Variants in KLHL5 observed in about 807,000 individuals in gnomAD.
The protein encoded by KLHL5 is kelch like family member 5, also known as kelch-like protein 5.
Under a neutral mutation model 77.7 loss-of-function variants are expected in KLHL5, and 48 were observed. The observed-to-expected ratio is 0.62, with a 90% CI of 0.49 to 0.79. The LOEUF is 0.79. Ranked by LOEUF, KLHL5 falls within the 30% of genes least tolerant of loss-of-function variation. The probability of loss-of-function intolerance (pLI) is 0.00; values close to 1 mark genes in which losing one functional copy is unlikely to be tolerated. For synonymous variants in KLHL5, 260 were observed against 297.0 expected, an observed-to-expected ratio of 0.88 and a Z score of 1.28; for missense variants, 723 against 859.7, an observed-to-expected ratio of 0.84 and a Z score of 1.99.
intron 6 of KLHL5, among the ~76,000 whole-genome samples, chr4:39,097,318 C>T (rs924833982): frequency 6.6e-6 from 1 of 152,156 alleles, no homozygotes; most frequent in Non-Finnish European, 1.5e-5. Context: ...CCAATTCAGT[C>T]AAGAATTATC....
intron 6 of KLHL5, among the ~76,000 whole-genome samples, chr4:39,102,909 G>A (rs550217798): frequency 6.6e-6 from 1 of 152,256 alleles, no homozygotes; most frequent in Admixed American, 6.5e-5. Context: ...ATACTTCTGA[G>A]TCTTCATCTT....
intron 10 of KLHL5, among the ~76,000 whole-genome samples, chr4:39,117,055 T>G (rs1722892990): frequency 6.6e-6 from 1 of 152,276 alleles, no homozygotes; most frequent in South Asian, 2.1e-4. Flanking sequence ...CAGGCTGGTC[T>G]CAAACTCCTG....
At chr4:39,078,433 A>T (rs562545379) in intron 2 of KLHL5, among the ~76,000 whole-genome samples, 2 of 150,694 alleles carry the variant, frequency 1.3e-5, no homozygotes, top group South Asian at 4.2e-4. Flanking sequence ...TAGGCTCAGG[A>T]CCTGTAATCC....
intron 9 of KLHL5, 49 bp downstream of exon 9, chr4:39,113,281 C>T (rs757344716): frequency 1.0e-5 from 14 of 1,404,078 alleles, no homozygotes; most frequent in Admixed American, 1.9e-5. Context: ...ATATATAAGT[C>T]TCTGATACTT....
Position 39,062,478 on chromosome 4 carries a change from C to A in KLHL5, c.-175C>A. Reference sequence around the variant, plus strand: ...TTCATTATCCTTTGTTCTTTAAAATCTGATATATTGGCATAAAAGTAATTG... The same window carrying A: ...TTCATTATCCTTTGTTCTTTAAAATATGATATATTGGCATAAAAGTAATTG... On this transcript the variant is annotated 5_prime_UTR_variant, in exon 1 of 11. The change creates a new upstream start codon in the 5' untranslated region. Transcript: ENST00000504108. 8 of 1,575,640 alleles carry A rather than the reference C, an allele frequency of 5.1e-6. No homozygotes were observed. The highest frequency in any genetic ancestry group is 6.9e-6 in the Non-Finnish European group (8 of 1,161,810).
chr4:39,141,444 G>A, the KLHL5 span, among the ~76,000 whole-genome samples: 1 of 151,640 alleles, frequency 6.6e-6, no homozygotes, highest in South Asian at 2.1e-4. Context: ...GAGTAGCTGG[G>A]ACTACAGGCG....
chr4:39,070,048 G>A (rs1329477065), intron 1 of KLHL5, among the ~76,000 whole-genome samples: 1 of 152,144 alleles, frequency 6.6e-6, no homozygotes, highest in Non-Finnish European at 1.5e-5. Context: ...CTTTTTGTCA[G>A]CTTAGCAAGC....
At chr4:39,099,763 T>TA (rs1401547081) in intron 6 of KLHL5, among the ~76,000 whole-genome samples, 1 of 152,194 alleles carries the variant, frequency 6.6e-6, no homozygotes, top group Non-Finnish European at 1.5e-5. Flanking sequence ...TAGCGCTATT[T>TA]ATTTGTAGAT....
At chr4:39,057,614 C>T (rs1160320006), upstream of KLHL5, among the ~76,000 whole-genome samples, 3 of 152,022 alleles carry the variant, frequency 2.0e-5, no homozygotes, top group African/African-American at 7.2e-5. Context: ...AAAAGTATCC[C>T]TGAATTATTA....
At chr4:39,052,567 C>T (rs1316104832) in intron 1 of KLHL5, among the ~76,000 whole-genome samples, 1 of 152,066 alleles carries the variant, frequency 6.6e-6, no homozygotes, top group African/African-American at 2.4e-5. Flanking sequence ...TGATCAAAAA[C>T]AAACAAAAGT....
At chr4:39,119,534 C>T (rs934282809) in intron 10 of KLHL5, among the ~76,000 whole-genome samples, 1 of 152,080 alleles carries the variant, frequency 6.6e-6, no homozygotes, top group African/African-American at 2.4e-5. Context: ...TGCAGTGAGC[C>T]GAGATGTGCC....
At chr4:39,091,675 CTTTT>C (rs768659763) in intron 5 of KLHL5, among the ~76,000 whole-genome samples, 1 of 140,986 alleles carries the variant, frequency 7.1e-6, no homozygotes, top group Admixed American at 7.2e-5. Flanking sequence ...ACTAAAACAA[CTTTT>C]TTTTTTTTTT....
intron 1 of KLHL5, among the ~76,000 whole-genome samples, chr4:39,073,336 C>G (rs575346725): frequency 1.3e-5 from 2 of 152,212 alleles, no homozygotes; most frequent in African/African-American, 4.8e-5. Context: ...GTTGTTCTTT[C>G]AGAACTTAAC....
intron 1 of KLHL5, among the ~76,000 whole-genome samples, chr4:39,063,317 A>G (rs909502053): frequency 1.3e-5 from 2 of 152,128 alleles, no homozygotes; most frequent in African/African-American, 2.4e-5. Context: ...TAGCAATTTC[A>G]TGTATCATTG....
chr4:39,137,881 C>T, the KLHL5 span, among the ~76,000 whole-genome samples: 21 of 152,052 alleles, frequency 1.4e-4, 1 homozygote, highest in African/African-American at 4.8e-4. Flanking sequence ...AAGAAAAAAA[C>T]AACTCCATTA....
intron 1 of KLHL5, among the ~76,000 whole-genome samples, chr4:39,064,465 T>C (rs1360593190): frequency 6.6e-6 from 1 of 152,110 alleles, no homozygotes; most frequent in Non-Finnish European, 1.5e-5. Flanking sequence ...AAATGTTTCA[T>C]TTGAAAATCA....
At chr4:39,072,421 A>T (rs1352109551) in intron 1 of KLHL5, among the ~76,000 whole-genome samples, 1 of 152,160 alleles carries the variant, frequency 6.6e-6, no homozygotes, top group Non-Finnish European at 1.5e-5. Context: ...ATACATAGTG[A>T]GTGACAGAGT....
At chr4:39,095,558 T>C (rs1462060007) in intron 5 of KLHL5, among the ~76,000 whole-genome samples, 6 of 152,002 alleles carry the variant, frequency 3.9e-5, no homozygotes, top group Non-Finnish European at 1.5e-5. Flanking sequence ...ACTTCTGTAC[T>C]GGACTTGTTT....
At chr4:39,106,084 G>C (rs1019641124) in intron 7 of KLHL5, among the ~76,000 whole-genome samples, 7 of 152,046 alleles carry the variant, frequency 4.6e-5, no homozygotes, top group African/African-American at 1.7e-4. Flanking sequence ...TAAGATCAGA[G>C]TCCTTATCTG....
Sources: gnomAD v4.1 joint callset for allele counts (sites outside exome capture counted in the v4.1 genomes callset) on GRCh38, gnomAD v4.1.1 for gene constraint, MANE v1.5 for transcripts, NCBI Gene and HGNC (gene_info 2026-07-23, HGNC 2026-07-21) for gene names.